The following B3GALNT2 variants were observed in gnomAD, a reference collection of about 807,000 sequenced individuals.
B3GALNT2 encodes the protein UDP-GalNAc:beta-1,3-N-acetylgalactosaminyltransferase 2.
In B3GALNT2, 53 loss-of-function variants were observed where a neutral mutation model predicts 61.1. The observed-to-expected ratio is 0.87, with a 90% confidence interval of 0.70 to 1.09. B3GALNT2 has a LOEUF of 1.09. Ranked by LOEUF, B3GALNT2 falls within the 50% of genes least tolerant of loss-of-function variation. B3GALNT2 has a pLI of 0.00. For missense variants in B3GALNT2, 544 were observed against 623.0 expected (o/e 0.87, Z 1.35); for synonymous variants, 223 against 237.4 (o/e 0.94, Z 0.56).
At chr1:235,479,926 T>G in intron 5 of B3GALNT2, 128 bp downstream of exon 5, 1 of 1,436,284 alleles carries the variant, frequency 7.0e-7, no homozygotes, top group Non-Finnish European at 9.2e-7. Flanking sequence ...CCACAGTTGG[T>G]ACCTTCATCT....
chr1:235,497,636 T>G (rs1329625680), intron 1 of B3GALNT2, among the ~76,000 whole-genome samples: 1 of 152,208 alleles, frequency 6.6e-6, no homozygotes, highest in African/African-American at 2.4e-5. Flanking sequence ...TAGAAATAGA[T>G]TACATAGAAC....
intron 7 of B3GALNT2, among the ~76,000 whole-genome samples, chr1:235,460,187 C>T (rs1683355378): frequency 6.6e-6 from 1 of 152,086 alleles, no homozygotes; most frequent in African/African-American, 2.4e-5. Context: ...GATCTCAGCT[C>T]ACTGTAATCT....
chr1:235,463,442 TTC>T (rs1368747538), intron 7 of B3GALNT2: 1 of 150,312 alleles, frequency 6.7e-6, no homozygotes, highest in Non-Finnish European at 1.5e-5. Flanking sequence ...CAGCTAGGTT[TTC>T]TTTTTTTTTT....
chr1:235,479,903 T>C (rs1684475482), intron 5 of B3GALNT2, 151 bp downstream of exon 5: 3 of 1,338,382 alleles, frequency 2.2e-6, no homozygotes, highest in Non-Finnish European at 2.0e-6. Flanking sequence ...CAGAGTGCTA[T>C]GTTTTAGCCC....
intron 1 of B3GALNT2, among the ~76,000 whole-genome samples, chr1:235,496,826 A>G (rs1462291808): frequency 1.3e-5 from 2 of 152,258 alleles, no homozygotes; most frequent in South Asian, 4.1e-4. Flanking sequence ...TACAGGCGTG[A>G]TCCACCGTGC....
chr1:235,461,666 G>A lies in B3GALNT2; in HGVS notation c.842-2880C>T, dbSNP rs571412466. On this transcript the variant is annotated intron_variant, in intron 7 of 11. Transcript: ENST00000366600. ...CGAGTAGCTAGGATTACAGGCGTGC[G>A]CCACCATGCCTAGCTAATTTTTGTA... Among the ~76,000 whole-genome samples the A allele has an allele frequency of 1.2e-4, 18 of 151,966 alleles. No individual in the cohort carries two copies. In the South Asian group the frequency reaches 1.5e-3, roughly 12 times the overall value.
At chr1:235,478,203 C>T (rs1366854661) in intron 5 of B3GALNT2, among the ~76,000 whole-genome samples, 2 of 152,104 alleles carry the variant, frequency 1.3e-5, no homozygotes, top group African/African-American at 4.8e-5. Flanking sequence ...CAGGAGCCTA[C>T]CACCGCACCC....
At chr1:235,445,894 G>A (rs1329938595), downstream of B3GALNT2, among the ~76,000 whole-genome samples, 1 of 152,210 alleles carries the variant, frequency 6.6e-6, no homozygotes, top group Non-Finnish European at 1.5e-5. Context: ...GAACCACACA[G>A]CACACAAGGC....
At chr1:235,466,414 G>A (rs1273538002) in intron 6 of B3GALNT2, among the ~76,000 whole-genome samples, 2 of 152,022 alleles carry the variant, frequency 1.3e-5, no homozygotes, top group Non-Finnish European at 2.9e-5. Context: ...CTCAGGCTGA[G>A]TGCAGTGGTG....
At chr1:235,471,239 T>G (rs1431211858) in intron 5 of B3GALNT2, among the ~76,000 whole-genome samples, 1 of 152,212 alleles carries the variant, frequency 6.6e-6, no homozygotes, top group African/African-American at 2.4e-5. Context: ...CTTATGTTGT[T>G]GCAGCTGTCA....
chr1:235,457,652 C>G (rs1339682822), intron 8 of B3GALNT2, among the ~76,000 whole-genome samples: 1 of 152,048 alleles, frequency 6.6e-6, no homozygotes, highest in African/African-American at 2.4e-5. Flanking sequence ...AGTAAGCCAG[C>G]CACATAAGAG....
intron 5 of B3GALNT2, among the ~76,000 whole-genome samples, chr1:235,475,830 T>A (rs1684251980): frequency 6.6e-6 from 1 of 152,056 alleles, no homozygotes; most frequent in South Asian, 2.1e-4. Context: ...ATTAAATAAT[T>A]GCTTGCTTTT....
Position 235,483,644 on chromosome 1 carries a change from C to T in B3GALNT2, c.555+678G>A, listed in dbSNP as rs184567846. Among the ~76,000 whole-genome samples the T allele has an allele frequency of 3.9e-5, 6 of 152,260 alleles. No individual in the cohort carries two copies. The East Asian group carries it at 1.2e-3, about 29-fold the overall frequency. On this transcript the variant is annotated intron_variant, in intron 4 of 11. Coordinates refer to ENST00000366600, the MANE Select transcript of B3GALNT2 (RefSeq NM_152490.5). ...AAAATTAGCCAGGTGTGGTGGCATGCACCTAGAATCCCAGCTACTTAGGAG... is the reference window on the plus strand; with the variant it reads ...AAAATTAGCCAGGTGTGGTGGCATGTACCTAGAATCCCAGCTACTTAGGAG...
chr1:235,493,319 C>A (rs1572554968), intron 2 of B3GALNT2, among the ~76,000 whole-genome samples: 2 of 152,208 alleles, frequency 1.3e-5, no homozygotes, highest in East Asian at 3.8e-4. Flanking sequence ...CAGGGAAATA[C>A]TACAGGAAGT....
chr1:235,496,307 A>G, intron 1 of B3GALNT2: 5 of 882,734 alleles, frequency 5.7e-6, no homozygotes, highest in Non-Finnish European at 7.2e-6. Flanking sequence ...GTGAGACTCC[A>G]CCTGAAAAAA....
intron 1 of B3GALNT2, among the ~76,000 whole-genome samples, chr1:235,498,737 G>A (rs562777178): frequency 7.3e-5 from 11 of 150,394 alleles, no homozygotes; most frequent in African/African-American, 1.7e-4. Flanking sequence ...CCAGCTACTC[G>A]GGAGGCTGAG....
At chr1:235,502,645 T>C (rs959775049) in intron 1 of B3GALNT2, among the ~76,000 whole-genome samples, 1 of 152,208 alleles carries the variant, frequency 6.6e-6, no homozygotes, top group African/African-American at 2.4e-5. Context: ...GAAAAACTTG[T>C]CTCAAACTAG....
At chr1:235,443,126 A>G (rs1483405853), downstream of B3GALNT2, among the ~76,000 whole-genome samples, 1 of 151,996 alleles carries the variant, frequency 6.6e-6, no homozygotes, top group East Asian at 1.9e-4. Context: ...TTATCAGCTG[A>G]AAGCAGTTCT....
Position 235,448,520 on chromosome 1 carries a change from C to T in B3GALNT2, c.*1686G>A, listed in dbSNP as rs1177150853. The T allele has an allele frequency of 6.9e-7, 1 of 1,451,670 alleles. No homozygotes were observed. The highest frequency in any genetic ancestry group is 9.7e-7 in the Non-Finnish European group (1 of 1,032,362). The allele number at this position is 1,451,670 out of a possible 1,614,324, so 89.9% of individuals were successfully genotyped here. A position where few individuals can be genotyped will look rare whatever the true frequency, so the allele number is the denominator to read the frequency against. On this transcript the variant is annotated 3_prime_UTR_variant, in exon 12 of 12. Transcript: ENST00000366600. ...ACATTAAACTGTCTCTAGATAGCAACAGTTTGATTCTAAATGGAGACCATG... is the reference window on the plus strand; with the variant it reads ...ACATTAAACTGTCTCTAGATAGCAATAGTTTGATTCTAAATGGAGACCATG...
Sources: gnomAD v4.1 joint callset for allele counts (sites outside exome capture counted in the v4.1 genomes callset) on GRCh38, gnomAD v4.1.1 for gene constraint, MANE v1.5 for transcripts, NCBI Gene and HGNC (gene_info 2026-07-23, HGNC 2026-07-21) for gene names.